NCK2: variants seen among roughly 807,000 people sequenced by gnomAD.
NCK2 encodes NCK adaptor protein 2.
Under a neutral mutation model 33.9 loss-of-function variants are expected in NCK2, and 16 were observed. The ratio of observed to expected loss-of-function variants is 0.47; its 90% confidence interval spans 0.32 to 0.72. The LOEUF (loss-of-function observed/expected upper bound fraction) is 0.72, where lower values mean the gene tolerates loss of function less well. Among genes scored for constraint, NCK2 ranks in the 30% least tolerant of loss-of-function variants. The probability of loss-of-function intolerance (pLI) is 0.03; values close to 1 mark genes in which losing one functional copy is unlikely to be tolerated. For missense variants in NCK2, 418 were observed against 537.3 expected (o/e 0.78, Z 2.19); for synonymous variants, 273 against 239.9 (o/e 1.14, Z -1.27).
intron 2 of NCK2, among the ~76,000 whole-genome samples, chr2:105,824,281 A>G (rs531473951): frequency 6.6e-6 from 1 of 152,346 alleles, no homozygotes; most frequent in Admixed American, 6.5e-5. Flanking sequence ...CGGTGCTCAC[A>G]GGGAATGAGT....
intron 1 of NCK2, among the ~76,000 whole-genome samples, chr2:105,803,499 A>G (rs1674918928): frequency 6.6e-6 from 1 of 152,242 alleles, no homozygotes; most frequent in Non-Finnish European, 1.5e-5. Context: ...TCTACCAACA[A>G]GGTGACTGCT....
chr2:105,750,102 C>T (rs2104326312), intron 1 of NCK2, among the ~76,000 whole-genome samples: 1 of 147,454 alleles, frequency 6.8e-6, no homozygotes, highest in South Asian at 2.2e-4. Flanking sequence ...GCTAAAGCTG[C>T]AGACATTTAT....
At chr2:105,759,418 T>A (rs140773566) in intron 1 of NCK2, among the ~76,000 whole-genome samples, 2,257 of 152,308 alleles carry the variant, frequency 0.015, 35 homozygotes, top group Non-Finnish European at 0.017. Flanking sequence ...AAAGTGTAAT[T>A]TGTTATTGTT....
rs578077653 is a variant in NCK2, at chr2:105,873,281, T to C, written c.227-8047T>C. 2.0e-5 allele frequency among the ~76,000 whole-genome samples: 3 copies of C among 152,336 alleles called. No individual in the cohort carries two copies. The South Asian group carries it at 6.2e-4, about 32-fold the overall frequency. Reference sequence around the variant, plus strand: ...TGTTCTCTGACCACTGTGCCTAAGATACTGGCCCCAGTGAATTCATGTGGG... The same window carrying C: ...TGTTCTCTGACCACTGTGCCTAAGACACTGGCCCCAGTGAATTCATGTGGG... On this transcript the variant is annotated intron_variant, in intron 3 of 4. Transcript: ENST00000233154.
intron 3 of NCK2, among the ~76,000 whole-genome samples, chr2:105,868,524 A>C (rs1392484187): frequency 6.6e-6 from 1 of 152,162 alleles, no homozygotes; most frequent in Non-Finnish European, 1.5e-5. Context: ...GAAATTTACA[A>C]GTGGGTGTTT....
chr2:105,881,749 C>T lies in NCK2; in HGVS notation c.648C>T (p.Phe216=), dbSNP rs142244335. Residue 216 remains phenylalanine (F), a synonymous_variant, in exon 4 of 5, where the codon TTC becomes TTT. Coordinates refer to ENST00000233154, the MANE Select transcript of NCK2 (RefSeq NM_003581.5). ...CAGTCACCGAGGAGGAGCTCAACTT[C>T]GAGAAGGGGGAGACCATGGAGGTGA... The part of the protein sequence containing the change: ...FSSVTEEELN[F]EKGETMEVIE... The T allele has an allele frequency of 3.7e-6, 6 of 1,614,100 alleles. No homozygotes were observed. In the African/African-American group the frequency reaches 6.7e-5, roughly 18 times the overall value.
intron 1 of NCK2, among the ~76,000 whole-genome samples, chr2:105,789,058 G>C (rs1352029019): frequency 2.6e-5 from 4 of 152,114 alleles, no homozygotes; most frequent in Non-Finnish European, 5.9e-5. Flanking sequence ...AGCCTCACTT[G>C]TGCTCAGAGG....
intron 2 of NCK2, among the ~76,000 whole-genome samples, chr2:105,844,710 G>T (rs927700167): frequency 2.0e-5 from 3 of 147,920 alleles, no homozygotes; most frequent in Non-Finnish European, 3.0e-5. Flanking sequence ...ACTCCAGCCT[G>T]AGCAACAGAG....
chr2:105,747,332 C>T (rs1409449784), intron 1 of NCK2, among the ~76,000 whole-genome samples: 5 of 152,220 alleles, frequency 3.3e-5, no homozygotes, highest in African/African-American at 1.2e-4. Flanking sequence ...TGCATGTGCA[C>T]AGACTGGATA....
chr2:105,817,756 G>C (rs562145449), intron 2 of NCK2, among the ~76,000 whole-genome samples: 1 of 152,186 alleles, frequency 6.6e-6, no homozygotes, highest in East Asian at 1.9e-4. Context: ...TTAGAATGGT[G>C]ATCATTAAAA....
At chr2:105,788,332 A>C (rs1468592410) in intron 1 of NCK2, among the ~76,000 whole-genome samples, 1 of 152,206 alleles carries the variant, frequency 6.6e-6, no homozygotes, top group Admixed American at 6.5e-5. Flanking sequence ...GTAGGTTAAA[A>C]GGAGAGGGAA....
chr2:105,754,613 T>G (rs1430681608), intron 1 of NCK2, among the ~76,000 whole-genome samples: 1 of 152,124 alleles, frequency 6.6e-6, no homozygotes. Context: ...GTATTCCTGT[T>G]TGTGTGTGTC....
intron 1 of NCK2, among the ~76,000 whole-genome samples, chr2:105,766,193 G>T (rs997643479): frequency 1.4e-4 from 22 of 152,202 alleles, no homozygotes; most frequent in Admixed American, 1.3e-4. Context: ...CATTCTGGTA[G>T]CAGGAGAGCC....
chr2:105,842,766 A>G (rs1292465712), intron 2 of NCK2, among the ~76,000 whole-genome samples: 1 of 152,092 alleles, frequency 6.6e-6, no homozygotes, highest in Non-Finnish European at 1.5e-5. Context: ...TGGGTTGGGG[A>G]CAGTGAATGC....
chr2:105,842,377 C>T (rs1676682558), intron 2 of NCK2, among the ~76,000 whole-genome samples: 2 of 152,160 alleles, frequency 1.3e-5, no homozygotes, highest in East Asian at 1.9e-4. Flanking sequence ...TGAGCCACTG[C>T]ACCCAGCTTG....
At position 105,878,703 on chromosome 2, in the gene NCK2, G is replaced by A. The variant is rs149256695; in HGVS notation, c.227-2625G>A. On this transcript the variant is annotated intron_variant, in intron 3 of 4. Transcript: ENST00000233154. ...GGGGGTAAGAAAACCAGTACACAGA[G>A]AGACATTTATTAAGTAATTTGACTA... 2.6e-4 allele frequency among the ~76,000 whole-genome samples: 40 copies of A among 152,340 alleles called. No homozygotes were observed. In the South Asian group the frequency reaches 5.0e-3, roughly 19 times the overall value.
At chr2:105,855,382 GTC>G (rs1225917101) in intron 3 of NCK2, 93 bp downstream of exon 3, 2 of 749,146 alleles carry the variant, frequency 2.7e-6, no homozygotes, top group East Asian at 5.8e-5. Context: ...AAAAAAAAAA[GTC>G]TGTTTTAAAA....
chr2:105,806,757 T>G (rs1441593440), intron 1 of NCK2, among the ~76,000 whole-genome samples: 1 of 152,162 alleles, frequency 6.6e-6, no homozygotes, highest in Non-Finnish European at 1.5e-5. Flanking sequence ...GAGGATAACA[T>G]GCAGTGCGGT....
chr2:105,854,890 A>G (rs967532687), intron 2 of NCK2, 158 bp from the exon 3 acceptor site: 2 of 587,718 alleles, frequency 3.4e-6, no homozygotes, highest in Admixed American at 3.0e-5. Flanking sequence ...AAGCTTGTTG[A>G]AAGAAGGTCA....
Sources: gnomAD v4.1 joint callset for allele counts (sites outside exome capture counted in the v4.1 genomes callset) on GRCh38, gnomAD v4.1.1 for gene constraint, MANE v1.5 for transcripts, NCBI Gene and HGNC (gene_info 2026-07-23, HGNC 2026-07-21) for gene names.